Variants in PPP3CB observed in about 807,000 individuals in gnomAD.
PPP3CB encodes the protein protein phosphatase 3 catalytic subunit beta, also known as serine/threonine-protein phosphatase 2B catalytic subunit beta isoform.
PPP3CB carries 8 observed loss-of-function variants against 66.4 expected under a neutral mutation model. The observed-to-expected ratio is 0.12, with a 90% CI of 0.07 to 0.22. The LOEUF is 0.22. Ranked by LOEUF, PPP3CB falls within the 10% of genes least tolerant of loss-of-function variation. The probability of loss-of-function intolerance (pLI) is 1.00; values close to 1 mark genes in which losing one functional copy is unlikely to be tolerated. For missense variants in PPP3CB, 319 were observed against 642.5 expected (o/e 0.50, Z 5.44); for synonymous variants, 208 against 221.2 (o/e 0.94, Z 0.53).
At chr10:73,476,556 G>C (rs1169598653) in intron 3 of PPP3CB, among the ~76,000 whole-genome samples, 1 of 151,280 alleles carries the variant, frequency 6.6e-6, no homozygotes, top group Admixed American at 6.6e-5. Flanking sequence ...GGCAGAGGTT[G>C]CAGTGAGCCG....
intron 8 of PPP3CB, 112 bp downstream of exon 8, chr10:73,470,574 TA>T: frequency 1.6e-6 from 1 of 632,256 alleles, no homozygotes; most frequent in Non-Finnish European, 2.6e-6. Context: ...CAGTTATTTA[TA>T]AAGAAATCTG....
intron 1 of PPP3CB, among the ~76,000 whole-genome samples, chr10:73,489,783 C>T (rs969983908): frequency 6.6e-6 from 1 of 152,154 alleles, no homozygotes; most frequent in Admixed American, 6.5e-5. Flanking sequence ...CACTCCTTGC[C>T]AAGCACTTCA....
intron 1 of PPP3CB, among the ~76,000 whole-genome samples, chr10:73,491,635 A>G (rs1170898222): frequency 6.6e-6 from 1 of 152,216 alleles, no homozygotes; most frequent in South Asian, 2.1e-4. Flanking sequence ...GAAACACTGA[A>G]GTAGCTATGT....
chr10:73,456,035 A>G (rs994581757), intron 9 of PPP3CB, among the ~76,000 whole-genome samples: 3 of 152,276 alleles, frequency 2.0e-5, no homozygotes, highest in African/African-American at 2.4e-5. Flanking sequence ...AGTACACAAA[A>G]TAAGAAAGAT....
intron 8 of PPP3CB, among the ~76,000 whole-genome samples, chr10:73,469,309 G>A (rs1428724964): frequency 2.0e-5 from 3 of 152,224 alleles, no homozygotes; most frequent in African/African-American, 4.8e-5. Context: ...TTGGGAGGCT[G>A]AGGCAGGCAG....
intron 1 of PPP3CB, among the ~76,000 whole-genome samples, chr10:73,487,761 T>C (rs558154556): frequency 1.6e-4 from 25 of 151,982 alleles, no homozygotes; most frequent in Middle Eastern, 6.8e-3. Context: ...AGGGACATCC[T>C]TTGAGTTTGG....
At chr10:73,442,139 AC>A (rs1157590749) in intron 12 of PPP3CB, among the ~76,000 whole-genome samples, 4 of 152,152 alleles carry the variant, frequency 2.6e-5, no homozygotes, top group Non-Finnish European at 5.9e-5. Context: ...TGCCCAAACC[AC>A]ACTATCAAGA....
intron 1 of PPP3CB, among the ~76,000 whole-genome samples, chr10:73,495,251 C>T (rs2057170931): frequency 6.6e-6 from 1 of 152,206 alleles, no homozygotes; most frequent in African/African-American, 2.4e-5. Flanking sequence ...GATCCAATCC[C>T]ACAAGGTTCC....
chr10:73,460,833 G>GT (rs1378554907), intron 9 of PPP3CB, among the ~76,000 whole-genome samples: 1 of 152,250 alleles, frequency 6.6e-6, no homozygotes, highest in African/African-American at 2.4e-5. Context: ...CTAGGCAAGT[G>GT]TAAGAGTGAA....
At chr10:73,466,669 T>C (rs1331642973) in intron 9 of PPP3CB, among the ~76,000 whole-genome samples, 1 of 152,216 alleles carries the variant, frequency 6.6e-6, no homozygotes, top group Non-Finnish European at 1.5e-5. Context: ...CTGTTTAACA[T>C]ACACAGTTTA....
chr10:73,454,301 T>C lies in PPP3CB; in HGVS notation c.1186+111A>G, dbSNP rs545897141. 107 of 539,148 alleles carry C rather than the reference T, an allele frequency of 2.0e-4. 3 individuals carry two copies. The South Asian group carries it at 4.5e-3, about 23-fold the overall frequency. 33.4% of individuals were successfully genotyped at this position (539,148 alleles called of 1,614,324 possible). A position where few individuals can be genotyped will look rare whatever the true frequency, so the allele number is the denominator to read the frequency against. On this transcript the variant is annotated intron_variant, in intron 10 of 13. Transcript: ENST00000360663. ...GTAACTTGTTACTTATCAAATAGCA[T>C]AGTCTCTGAAAGCAATGACTATTTT...
At chr10:73,486,237 C>CTTGGCCTCTCTCTTCTTTAGCTCTA in intron 1 of PPP3CB, among the ~76,000 whole-genome samples, 1 of 151,648 alleles carries the variant, frequency 6.6e-6, no homozygotes, top group Non-Finnish European at 1.5e-5. Flanking sequence ...AGCCACCACG[C>CTTGGCCTCTCTCTTCTTTAGCTCTA]CCAGCCAATT....
chr10:73,439,750 A>G, intron 13 of PPP3CB, 122 bp downstream of exon 13: 1 of 1,074,210 alleles, frequency 9.3e-7, no homozygotes, highest in Non-Finnish European at 1.4e-6. Flanking sequence ...AAACTTGATG[A>G]ATCAGTGAGT....
chr10:73,462,564 T>C (rs963688716), intron 9 of PPP3CB, among the ~76,000 whole-genome samples: 10 of 152,058 alleles, frequency 6.6e-5, no homozygotes, highest in Middle Eastern at 3.2e-3. Context: ...CTAAGATTTA[T>C]AGGACAAATG....
chr10:73,472,616 T>G (rs1313623044), intron 4 of PPP3CB, among the ~76,000 whole-genome samples: 1 of 152,200 alleles, frequency 6.6e-6, no homozygotes, highest in African/African-American at 2.4e-5. Context: ...TTGCTTTATT[T>G]TATTCTAAGA....
intron 1 of PPP3CB, among the ~76,000 whole-genome samples, chr10:73,481,308 C>T (rs536851333): frequency 1.3e-5 from 2 of 151,392 alleles, no homozygotes; most frequent in East Asian, 3.9e-4. Context: ...CCCATCTCTA[C>T]TAAAAACACA....
chr10:73,464,475 G>C (rs1002029515), intron 9 of PPP3CB, among the ~76,000 whole-genome samples: 1 of 152,004 alleles, frequency 6.6e-6, no homozygotes, highest in Non-Finnish European at 1.5e-5. Context: ...AGATCCTCTA[G>C]AACAGAGGTT....
intron 10 of PPP3CB, among the ~76,000 whole-genome samples, chr10:73,451,360 T>C (rs556973123): frequency 1.3e-5 from 2 of 152,118 alleles, no homozygotes; most frequent in South Asian, 4.1e-4. Context: ...CACAAATATA[T>C]AGTATATTCT....
intron 13 of PPP3CB, 52 bp from the exon 14 acceptor site, chr10:73,438,472 T>C (rs1008414784): frequency 6.8e-7 from 1 of 1,465,430 alleles, no homozygotes; most frequent in Middle Eastern, 1.7e-4. Flanking sequence ...ATTTCTGAGA[T>C]TTCAAAAACA....
Sources: gnomAD v4.1 joint callset for allele counts (sites outside exome capture counted in the v4.1 genomes callset) on GRCh38, gnomAD v4.1.1 for gene constraint, MANE v1.5 for transcripts, NCBI Gene and HGNC (gene_info 2026-07-23, HGNC 2026-07-21) for gene names.